The following VPS13B variants were observed in gnomAD, a reference collection of about 807,000 sequenced individuals.
VPS13B encodes vacuolar protein sorting 13 homolog B, also known as intermembrane lipid transfer protein VPS13B.
VPS13B carries 285 observed loss-of-function variants against 426.4 expected under a neutral mutation model. That is an observed-to-expected ratio of 0.67 (90% CI 0.61 to 0.74). The LOEUF (loss-of-function observed/expected upper bound fraction) is 0.74. Ranked by LOEUF, VPS13B falls within the 30% of genes least tolerant of loss-of-function variation. The pLI is 0.00. For synonymous variants in VPS13B, 1,676 were observed against 1,676.4 expected (o/e 1.00, Z 0.01); for missense variants, 4,537 against 4,782.6 (o/e 0.95, Z 1.51).
chr8:99,593,443 T>A (rs1826798382), intron 33 of VPS13B, among the ~76,000 whole-genome samples: 1 of 152,042 alleles, frequency 6.6e-6, no homozygotes, highest in African/African-American at 2.4e-5. Context: ...AAAAACGGAA[T>A]GCTTTTACAC....
intron 36 of VPS13B, among the ~76,000 whole-genome samples, chr8:99,706,545 A>G (rs888487107): frequency 1.3e-5 from 2 of 152,170 alleles, no homozygotes; most frequent in Non-Finnish European, 2.9e-5. Flanking sequence ...ATAGTCTTCC[A>G]TGTAAATCCA....
At chr8:99,105,721 AAATTT>A (rs1351217607) in intron 5 of VPS13B, among the ~76,000 whole-genome samples, 23 of 152,294 alleles carry the variant, frequency 1.5e-4, no homozygotes, top group Non-Finnish European at 1.8e-4. Flanking sequence ...TATGGTATAG[AAATTT>A]AATTTAGTAT....
At chr8:99,623,432 C>T (rs1828454755) in intron 33 of VPS13B, among the ~76,000 whole-genome samples, 1 of 152,192 alleles carries the variant, frequency 6.6e-6, no homozygotes, top group Non-Finnish European at 1.5e-5. Context: ...TTCCCTACCT[C>T]CTCGTAATAT....
At chr8:99,599,544 G>A (rs1827186161) in intron 33 of VPS13B, among the ~76,000 whole-genome samples, 1 of 151,982 alleles carries the variant, frequency 6.6e-6, no homozygotes, top group African/African-American at 2.4e-5. Context: ...GGTTTGCTTG[G>A]TTTCCTATCT....
rs575609907 is a variant in VPS13B at position 99,230,147 on chromosome 8, G to A, written c.2515+37090G>A. Among the ~76,000 whole-genome samples the A allele has an allele frequency of 3.9e-5, 6 of 152,020 alleles. No individual in the cohort carries two copies. The South Asian group carries it at 1.2e-3, about 32-fold the overall frequency. On this transcript the variant is annotated intron_variant, in intron 17 of 61. Coordinates refer to ENST00000357162, the MANE Select transcript of VPS13B (RefSeq NM_152564.5). ...CATATTAATTTTAATTTTTAGTTGG[G>A]TATATAGAACTTATTATACATGTTG...
intron 21 of VPS13B, among the ~76,000 whole-genome samples, chr8:99,425,375 G>C (rs929089913): frequency 4.6e-5 from 7 of 152,142 alleles, no homozygotes; most frequent in African/African-American, 1.7e-4. Flanking sequence ...CCATGATCAA[G>C]TGGGCTTCAT....
At chr8:99,247,830 A>C (rs1206489619) in intron 17 of VPS13B, among the ~76,000 whole-genome samples, 1 of 152,118 alleles carries the variant, frequency 6.6e-6, no homozygotes, top group Non-Finnish European at 1.5e-5. Flanking sequence ...TATTTGGGGC[A>C]GGGAAAAAAA....
At chr8:99,037,267 T>TA (rs894026517) in intron 2 of VPS13B, among the ~76,000 whole-genome samples, 6 of 150,802 alleles carry the variant, frequency 4.0e-5, no homozygotes, top group African/African-American at 1.5e-4. Context: ...AGCTGACCTT[T>TA]AAAAAAAAAC....
In VPS13B at chr8:99,037,368, T is replaced by C. The variant is rs190526722; in HGVS notation, c.148-1055T>C. 2.0e-5 allele frequency among the ~76,000 whole-genome samples: 3 copies of C among 152,144 alleles called. No individual in the cohort carries two copies. The East Asian group carries it at 5.8e-4, about 29-fold the overall frequency. ...TATAATGATTTCTCTGTGAGGAAGG[T>C]AGTATTCTAAGCTTTATATAGATTA... On this transcript the variant is annotated intron_variant, in intron 2 of 61. Coordinates refer to ENST00000357162, the MANE Select transcript of VPS13B (RefSeq NM_152564.5).
intron 29 of VPS13B, 66 bp downstream of exon 29, chr8:99,511,578 GGTTTTTTT>G: frequency 6.6e-7 from 1 of 1,518,732 alleles, no homozygotes; most frequent in South Asian, 1.3e-5. Flanking sequence ...TAGTTTTCTG[GGTTTTTTT>G]GTTTCTTTTA....
chr8:99,295,239 T>C (rs756286240), intron 19 of VPS13B, among the ~76,000 whole-genome samples: 4 of 152,302 alleles, frequency 2.6e-5, no homozygotes, highest in Non-Finnish European at 5.9e-5. Flanking sequence ...GATATTTTAC[T>C]TATATAATAA....
intron 34 of VPS13B, among the ~76,000 whole-genome samples, chr8:99,659,731 A>G (rs576365875): frequency 3.9e-5 from 6 of 152,298 alleles, no homozygotes; most frequent in Non-Finnish European, 8.8e-5. Flanking sequence ...TTCTACATCA[A>G]TTTAATCATC....
chr8:99,825,288 T>C (rs1396373990), intron 51 of VPS13B, among the ~76,000 whole-genome samples: 2 of 152,262 alleles, frequency 1.3e-5, no homozygotes, highest in Non-Finnish European at 2.9e-5. Flanking sequence ...TGAGATGGTA[T>C]CTCATTGTCG....
intron 59 of VPS13B, among the ~76,000 whole-genome samples, chr8:99,868,999 G>A (rs138716689): frequency 1.3e-5 from 2 of 152,342 alleles, no homozygotes; most frequent in East Asian, 1.9e-4. Flanking sequence ...AGTGCGTGGC[G>A]CATGGCAGTA....
rs542396703 is a variant in VPS13B at position 99,766,869 on chromosome 8, G to A, written c.7146G>A (p.Gln2382=). Residue 2382 remains glutamine, a synonymous_variant, in exon 40 of 62, where the codon CAG becomes CAA. Transcript: ENST00000357162. ...NLSESKVCEL[Q]LPDINLVNDQ... is the part of the protein sequence containing the mutation. ...CTGAAAGCAAAGTTTGTGAACTGCA[G>A]TTGCCGGATATCAATCTCGTGAATG... The A allele has an allele frequency of 1.2e-6, 2 of 1,614,054 alleles. No individual in the cohort carries two copies. The highest frequency in any genetic ancestry group is 1.7e-6 in the Non-Finnish European group (2 of 1,179,968).
rs376108160 is a variant in VPS13B, at chr8:99,013,941, C to G, written c.147+6C>G. The G allele has an allele frequency of 1.7e-5, 28 of 1,614,050 alleles. No individual in the cohort carries two copies. The highest frequency in any genetic ancestry group is 2.1e-5 in the Non-Finnish European group (25 of 1,180,016). The stretch of plus-strand genomic sequence containing the variant: ...AGTTGGATGTGCTGGAACAGGTAAG[C>G]TATTTAGCTGTCATTAACTGGAAAC... On this transcript the variant is annotated splice_donor_region_variant and intron_variant, in intron 2 of 61. Transcript: ENST00000357162.
chr8:99,380,844 G>A (rs1290089579), intron 19 of VPS13B, among the ~76,000 whole-genome samples: 1 of 149,210 alleles, frequency 6.7e-6, no homozygotes, highest in Non-Finnish European at 1.5e-5. Context: ...ACTTTTTGTA[G>A]CCCCCTACCA....
intron 39 of VPS13B, among the ~76,000 whole-genome samples, chr8:99,757,281 C>T (rs1390558037): frequency 6.6e-6 from 1 of 152,164 alleles, no homozygotes; most frequent in Admixed American, 6.5e-5. Flanking sequence ...ACTAACCAGA[C>T]TTACACCGTC....
At chr8:99,021,701 T>C (rs916227829) in intron 2 of VPS13B, among the ~76,000 whole-genome samples, 1 of 151,966 alleles carries the variant, frequency 6.6e-6, no homozygotes, top group Non-Finnish European at 1.5e-5. Context: ...CATAGCTCAC[T>C]GCAGTCTTGA....
Sources: allele counts gnomAD v4.1 joint callset (sites outside exome capture counted in the v4.1 genomes callset), GRCh38; gene constraint gnomAD v4.1.1; transcripts MANE v1.5; gene names NCBI Gene and HGNC (gene_info 2026-07-23, HGNC 2026-07-21).